Variants in SLC19A1 observed in about 807,000 individuals in gnomAD.
SLC19A1 encodes solute carrier family 19 member 1.
A neutral mutation model predicts 35.3 loss-of-function variants in SLC19A1; 37 were observed. The observed-to-expected ratio is 1.05, with a 90% confidence interval of 0.81 to 1.38. The LOEUF (loss-of-function observed/expected upper bound fraction) is 1.38. Among genes scored for constraint, SLC19A1 ranks in the 40% most tolerant of loss-of-function variants. The pLI is 0.00. For synonymous variants in SLC19A1, 460 were observed against 398.5 expected, an observed-to-expected ratio of 1.15 and a Z score of -1.84; for missense variants, 831 against 826.9, an observed-to-expected ratio of 1.00 and a Z score of -0.06.
downstream of SLC19A1, chr21:45,507,706 T>C (rs1483234939): frequency 4.0e-6 from 4 of 1,006,886 alleles, no homozygotes; most frequent in Non-Finnish European, 6.2e-6. Flanking sequence ...GAGCTGAACA[T>C]GTGGCTCACC....
Position 45,525,827 on chromosome 21 carries a change from A to C in SLC19A1, c.1283T>G (p.Val428Gly), listed in dbSNP as rs1329026436. 2 of 1,613,100 alleles carry C rather than the reference A, an allele frequency of 1.2e-6. No individual in the cohort carries two copies. The highest frequency in any genetic ancestry group is 1.3e-5 in the African/African-American group (1 of 74,928). The part of the protein sequence containing the change: ...VSDVRGLGLP[V>G]RKQFQLYSVY... ...CTGAAATGGGCTCACCTGCTTGCGG[A>C]CCGGGAGGCCCAGGCCCCGCACGTC... Residue 428 changes from valine (V) to glycine (G), a missense_variant, in exon 5 of 6, where the codon GTC (valine) becomes GGC (glycine). Coordinates refer to ENST00000311124, the MANE Select transcript of SLC19A1 (RefSeq NM_194255.4).
Position 45,525,960 on chromosome 21 carries a change from T to G in SLC19A1, c.1152-2A>C. ...GACAGAGAAGATGCAATCTGAAAGC[T>G]GAACGGGAAGAGCGGGCAGATCAGG... is the stretch of plus-strand genomic sequence containing the variant. On this transcript the variant is annotated splice_acceptor_variant, in intron 4 of 5. Transcript: ENST00000311124. LOFTEE classifies it high-confidence loss of function. The G allele has an allele frequency of 6.2e-7, 1 of 1,612,848 alleles. No individual in the cohort carries two copies. The highest frequency in any genetic ancestry group is 8.5e-7 in the Non-Finnish European group (1 of 1,179,700).
chr21:45,523,918 C>A (rs1383540335), intron 5 of SLC19A1, among the ~76,000 whole-genome samples: 2 of 152,214 alleles, frequency 1.3e-5, no homozygotes, highest in Non-Finnish European at 2.9e-5. Context: ...CTGCCAGCAC[C>A]CCGCCCTGGG....
At chr21:45,504,127 C>T in intron 3 of SLC19A1, 1 of 1,535,428 alleles carries the variant, frequency 6.5e-7, no homozygotes, top group South Asian at 1.1e-5. Flanking sequence ...CTCCCAATTT[C>T]TCGCCCCATC....
In SLC19A1 at chr21:45,515,086, A is replaced by G. The variant is rs1291016662; in HGVS notation, c.*572T>C. ...GAGCCGCTGCTCCCCTCTGATGACA[A>G]TGTGTCTGCCGCCAACCTGAGATGG... On this transcript the variant is annotated 3_prime_UTR_variant, in exon 6 of 6. Coordinates refer to ENST00000311124, the MANE Select transcript of SLC19A1 (RefSeq NM_194255.4). The G allele has an allele frequency of 1.9e-6, 3 of 1,546,514 alleles. No individual in the cohort carries two copies. The highest frequency in any genetic ancestry group is 2.5e-5 in the East Asian group (1 of 40,804).
At chr21:45,544,992 A>T (rs2078398548), upstream of SLC19A1, among the ~76,000 whole-genome samples, 2 of 152,226 alleles carry the variant, frequency 1.3e-5, no homozygotes, top group Admixed American at 1.3e-4. Context: ...ATAGGGAGGC[A>T]GTGGCATTCG....
chr21:45,530,558 G>T lies in SLC19A1; in HGVS notation c.1151+212C>A, dbSNP rs1005615227. Among the ~76,000 whole-genome samples the T allele has an allele frequency of 6.6e-6, 1 of 152,172 alleles. No individual in the cohort carries two copies. Among genetic ancestry groups the T allele is most frequent in the African/African-American group, 2.4e-5 (1 of 41,436 alleles). ...CCAGCAGGCTTCAGAGAGGAGCGTG[G>T]AGGGCCTGGGGGAGCAGCAAGACGG... On this transcript the variant is annotated intron_variant, in intron 4 of 5. Coordinates refer to ENST00000311124, the MANE Select transcript of SLC19A1 (RefSeq NM_194255.4). The surrounding 1 kb of genome is among the most constrained non-coding windows in gnomAD (Gnocchi z 5.3).
chr21:45,504,345 G>T (rs547167705), intron 3 of SLC19A1: 4 of 1,501,518 alleles, frequency 2.7e-6, no homozygotes, highest in Non-Finnish European at 3.6e-6. Context: ...GCCCTGGCTC[G>T]GGGGGATGGG....
In SLC19A1 at chr21:45,552,202, T is replaced by G. The variant is rs145481540; in HGVS notation, c.-50+10540A>C. ...TGAGGCCACTGTCAGACCAGAGAGA[T>G]CTGCGATGGGCCAAAGAAGAGGCTG... On this transcript the variant is annotated intron_variant, in intron 1 of 5. Coordinates refer to the SLC19A1 transcript ENST00000650808. Among the ~76,000 whole-genome samples the G allele has an allele frequency of 1.8e-3, 278 of 151,954 alleles. 3 individuals are homozygous for G. Among genetic ancestry groups the G allele is most frequent in the African/African-American group, 6.3e-3 (260 of 41,408 alleles).
At position 45,504,509 on chromosome 21, in the gene SLC19A1, C is replaced by T. The variant is rs950735501; in HGVS notation, c.498-5897G>A. On this transcript the variant is annotated intron_variant, in intron 3 of 4. Transcript: ENST00000417954. The stretch of plus-strand genomic sequence containing the variant: ...CTTCGGCTCCAGCCTGCCCGGCCCC[C>T]CCGGCCCCCCAGGCCCCCCAGGCCC... The T allele has an allele frequency of 6.4e-6, 9 of 1,410,592 alleles. No individual in the cohort carries two copies. In the East Asian group the frequency reaches 7.7e-5, roughly 12 times the overall value. The allele number at this position is 1,410,592 out of a possible 1,614,324, so 87.4% of individuals were successfully genotyped here.
intron 3 of SLC19A1, chr21:45,504,385 G>C: frequency 1.2e-6 from 2 of 1,604,762 alleles, no homozygotes; most frequent in Non-Finnish European, 1.7e-6. Flanking sequence ...GGGGTTCAGG[G>C]CTCCCGTGTA....
intron 3 of SLC19A1, chr21:45,505,528 G>GGGA: frequency 1.3e-6 from 1 of 751,076 alleles, no homozygotes; most frequent in East Asian, 2.7e-5. Flanking sequence ...GGACCCCACA[G>GGGA]GGAGATATAC....
intron 2 of SLC19A1, 98 bp from the exon 3 acceptor site, chr21:45,532,246 C>A (rs1040967844): frequency 1.0e-6 from 1 of 977,064 alleles, no homozygotes. Flanking sequence ...CGGCTTCCTG[C>A]CCCAACACTG....
In SLC19A1 at chr21:45,530,881, G is replaced by A. The variant is rs771496700; in HGVS notation, c.1040C>T (p.Ala347Val). Residue 347 changes from alanine (A) to valine (V), a missense_variant, in exon 4 of 6, where the codon GCG becomes GTG. Physicochemically the swap from Ala to Val is moderately conservative, Grantham distance 64 (BLOSUM62 0). Transcript: ENST00000311124. This position sits in a 1 kb window ranked among gnomAD's most constrained non-coding sequence, Gnocchi z 5.3. ...GTGCGCCAGAAGGAAGACCAGCCCC[G>A]CCTGCGTGGCCGTGACGCCCGCGAT... is the stretch of plus-strand genomic sequence containing the variant. ...LLIAGVTATQ[A>V]GLVFLLAHTR... 23 of 1,484,482 alleles carry A rather than the reference G, an allele frequency of 1.5e-5. No individual in the cohort carries two copies. Among genetic ancestry groups the A allele is most frequent in the Admixed American group, 2.4e-5 (1 of 41,276 alleles). 92.0% of individuals were successfully genotyped at this position (1,484,482 alleles called of 1,614,324 possible).
Position 45,555,653 on chromosome 21 carries a change from G to T in SLC19A1, c.-50+7089C>A, listed in dbSNP as rs539265014. Among the ~76,000 whole-genome samples the T allele has an allele frequency of 9.9e-4, 150 of 151,876 alleles. 1 individual carries two copies. The highest frequency in any genetic ancestry group is 3.4e-3 in the African/African-American group (140 of 41,444). On this transcript the variant is annotated intron_variant, in intron 1 of 5. Transcript: ENST00000650808. Reference sequence around the variant, plus strand: ...GGGACTCAGGAGGGCGGGGCGGGGCGGGGCGGCCCGCGTGGGGAGTGCCTG... The same window carrying T: ...GGGACTCAGGAGGGCGGGGCGGGGCTGGGCGGCCCGCGTGGGGAGTGCCTG...
At position 45,533,865 on chromosome 21, in the gene SLC19A1, G is replaced by A. The variant is rs1302828082; in HGVS notation, c.190-1717C>T. ...GTGTGGCCCGATGTGCTCAGAGCCC[G>A]GCCACCGGCTACTGTGAACAGCTGG... On this transcript the variant is annotated intron_variant, in intron 2 of 5. Transcript: ENST00000311124. The surrounding 1 kb of genome is among the most constrained non-coding windows in gnomAD (Gnocchi z 4.5). 5.3e-5 allele frequency among the ~76,000 whole-genome samples: 8 copies of A among 152,090 alleles called. No individual in the cohort carries two copies. Among genetic ancestry groups the A allele is most frequent in the Middle Eastern group, 3.2e-3 (1 of 316 alleles).
intron 4 of SLC19A1, among the ~76,000 whole-genome samples, chr21:45,528,110 A>G (rs2039277): frequency 0.55 from 81,943 of 150,208 alleles, 22,580 homozygotes; most frequent in South Asian, 0.6. Flanking sequence ...GCAGGCAGGC[A>G]GGCCGGCAGC....
At chr21:45,504,381 C>G in intron 3 of SLC19A1, 6 of 1,601,570 alleles carry the variant, frequency 3.7e-6, no homozygotes, top group Non-Finnish European at 5.1e-6. Flanking sequence ...TGTAGGGGTT[C>G]AGGGCTCCCG....
chr21:45,515,190 A>C lies in SLC19A1; in HGVS notation c.*468T>G. On this transcript the variant is annotated 3_prime_UTR_variant, in exon 6 of 6. Coordinates refer to ENST00000311124, the MANE Select transcript of SLC19A1 (RefSeq NM_194255.4). ...AAAAAAAAAAAAGCATCTTTCAAAA[A>C]AGCAAGAGCACCAAGGATGACCAGC... 6.6e-7 allele frequency: 1 copy of C among 1,521,388 alleles called. No individual in the cohort carries two copies. Among genetic ancestry groups the C allele is most frequent in the South Asian group, 1.3e-5 (1 of 78,992 alleles). The allele number at this position is 1,521,388 out of a possible 1,614,324, so 94.2% of individuals were successfully genotyped here.
Sources: allele counts gnomAD v4.1 joint callset (sites outside exome capture counted in the v4.1 genomes callset), GRCh38; gene constraint gnomAD v4.1.1; non-coding constraint Gnocchi (gnomAD v3.1); transcripts MANE v1.5; gene names NCBI Gene and HGNC (gene_info 2026-07-23, HGNC 2026-07-21).